Variants in CTNNA2 observed in about 807,000 individuals in gnomAD.
The protein encoded by CTNNA2 is catenin alpha 2, also known as catenin alpha-2.
Under a neutral mutation model 101.0 loss-of-function variants are expected in CTNNA2, and 42 were observed. The observed-to-expected ratio is 0.42, with a 90% CI of 0.32 to 0.54. CTNNA2 has a LOEUF of 0.54. Ranked by LOEUF, CTNNA2 falls within the 20% of genes least tolerant of loss-of-function variation. The pLI, the probability that CTNNA2 is intolerant of heterozygous loss-of-function variation, is 0.14. For synonymous variants in CTNNA2, 450 were observed against 456.4 expected (o/e 0.99, Z 0.18); for missense variants, 871 against 1,223.1 (o/e 0.71, Z 4.29).
chr2:80,103,018 A>T (rs1304034022), intron 7 of CTNNA2, among the ~76,000 whole-genome samples: 3 of 152,118 alleles, frequency 2.0e-5, no homozygotes, highest in Admixed American at 1.3e-4. Context: ...GTCGGAGAGC[A>T]GCTTCAGTAG....
chr2:79,299,312 G>A (rs890688137), intron 2 of CTNNA2, among the ~76,000 whole-genome samples: 1 of 152,156 alleles, frequency 6.6e-6, no homozygotes, highest in Non-Finnish European at 1.5e-5. Flanking sequence ...CTTGGATTTA[G>A]TTTATTAGTT....
At chr2:79,349,731 T>A (rs993772756) in intron 3 of CTNNA2, among the ~76,000 whole-genome samples, 5 of 152,116 alleles carry the variant, frequency 3.3e-5, no homozygotes, top group Non-Finnish European at 5.9e-5. Flanking sequence ...ACAAAAAGCA[T>A]GTATGTGAAG....
At chr2:79,927,802 A>G (rs1232732734) in intron 7 of CTNNA2, among the ~76,000 whole-genome samples, 2 of 152,150 alleles carry the variant, frequency 1.3e-5, no homozygotes, top group Non-Finnish European at 2.9e-5. Flanking sequence ...TCATTATGCT[A>G]TCAAAACTCA....
chr2:80,367,523 TTTTTA>T (rs994715673), intron 7 of CTNNA2, among the ~76,000 whole-genome samples: 2 of 152,150 alleles, frequency 1.3e-5, no homozygotes, highest in South Asian at 2.1e-4. Flanking sequence ...TTTGTTTTAT[TTTTTA>T]TTTTATTTTA....
chr2:80,097,375 G>A (rs557181594), intron 7 of CTNNA2, among the ~76,000 whole-genome samples: 3 of 152,320 alleles, frequency 2.0e-5, no homozygotes, highest in East Asian at 3.9e-4. Flanking sequence ...CGAGAGATCA[G>A]CTGTTAGTCT....
chr2:79,356,064 A>T (rs1302415518), intron 3 of CTNNA2, among the ~76,000 whole-genome samples: 2 of 151,548 alleles, frequency 1.3e-5, no homozygotes, highest in Non-Finnish European at 2.9e-5. Flanking sequence ...ACCAGCGTAT[A>T]TATATAAATA....
intron 9 of CTNNA2, among the ~76,000 whole-genome samples, chr2:80,474,073 G>A (rs759345918): frequency 8.7e-4 from 133 of 152,104 alleles, no homozygotes; most frequent in Non-Finnish European, 1.6e-3. Flanking sequence ...GCTTCCTGAC[G>A]CTGAGGCCAA....
chr2:79,374,309 T>C (rs2104457184), intron 4 of CTNNA2, among the ~76,000 whole-genome samples: 1 of 152,242 alleles, frequency 6.6e-6, no homozygotes, highest in South Asian at 2.1e-4. Context: ...TAGAAAGACA[T>C]GCAAAGGGGC....
chr2:80,410,231 C>A (rs541985295), intron 8 of CTNNA2, among the ~76,000 whole-genome samples: 1 of 152,190 alleles, frequency 6.6e-6, no homozygotes, highest in Non-Finnish European at 1.5e-5. Flanking sequence ...ATTTTTGAGA[C>A]AGTTTGTTTT....
At chr2:79,292,656 G>A (rs758038619) in intron 2 of CTNNA2, among the ~76,000 whole-genome samples, 3 of 152,102 alleles carry the variant, frequency 2.0e-5, no homozygotes, top group Non-Finnish European at 4.4e-5. Context: ...ATCCTAAGAG[G>A]CACACAACAA....
intron 7 of CTNNA2, among the ~76,000 whole-genome samples, chr2:79,987,042 C>T (rs563730960): frequency 3.0e-4 from 45 of 152,246 alleles, no homozygotes; most frequent in African/African-American, 9.6e-4. Flanking sequence ...CTGGCAGCCC[C>T]GGGCCCAGAG....
At chr2:79,270,886 G>A (rs1317476758) in intron 2 of CTNNA2, among the ~76,000 whole-genome samples, 1 of 152,036 alleles carries the variant, frequency 6.6e-6, no homozygotes, top group African/African-American at 2.4e-5. Context: ...GGTAGGTGCT[G>A]CTTCTCTTTT....
At chr2:79,283,233 C>G (rs1330461498) in intron 2 of CTNNA2, among the ~76,000 whole-genome samples, 632 of 90,660 alleles carry the variant, frequency 7.0e-3, no homozygotes, top group East Asian at 0.023. Flanking sequence ...ATGGTAGTTT[C>G]TTTTGCTGTG....
chr2:79,999,514 T>C (rs1200734436), intron 7 of CTNNA2, among the ~76,000 whole-genome samples: 1 of 151,992 alleles, frequency 6.6e-6, no homozygotes, highest in African/African-American at 2.4e-5. Context: ...GTACAAGGAG[T>C]ATAACAGAGA....
intron 7 of CTNNA2, among the ~76,000 whole-genome samples, chr2:80,103,979 C>T (rs1403330152): frequency 1.3e-5 from 2 of 152,176 alleles, no homozygotes; most frequent in Non-Finnish European, 2.9e-5. Context: ...GGTGATCCAC[C>T]CTCCTTGGCC....
chr2:80,484,872 G>C (rs1686436724), intron 9 of CTNNA2, among the ~76,000 whole-genome samples: 1 of 152,066 alleles, frequency 6.6e-6, no homozygotes, highest in Non-Finnish European at 1.5e-5. Context: ...CGGGCAAGGT[G>C]GTGGGCACCT....
rs777760091 is a variant in CTNNA2, at chr2:80,647,559, T to C, written c.2575-26T>C. The stretch of plus-strand genomic sequence containing the variant: ...AATTTGGGGCCTCCATTAACCCACA[T>C]GTATCTCATTCTTTTCCTACTCTAG... On this transcript the variant is annotated intron_variant, in intron 18 of 18. Transcript: ENST00000402739. The C allele has an allele frequency of 9.5e-6, 15 of 1,573,988 alleles. No homozygotes were observed. The South Asian group carries it at 1.7e-4, about 17-fold the overall frequency.
At chr2:79,530,865 C>T (rs1672694435) in intron 1 of CTNNA2, among the ~76,000 whole-genome samples, 1 of 140,502 alleles carries the variant, frequency 7.1e-6, no homozygotes, top group South Asian at 2.2e-4. Flanking sequence ...GCAGTTTGAG[C>T]ACAGAACACT....
chr2:79,917,996 A>C (rs891333840), intron 7 of CTNNA2, among the ~76,000 whole-genome samples: 1 of 152,182 alleles, frequency 6.6e-6, no homozygotes. Context: ...CTTGGGCCTT[A>C]ATGTGCCCAA....
Sources: gnomAD v4.1 joint callset for allele counts (sites outside exome capture counted in the v4.1 genomes callset) on GRCh38, gnomAD v4.1.1 for gene constraint, MANE v1.5 for transcripts, NCBI Gene and HGNC (gene_info 2026-07-23, HGNC 2026-07-21) for gene names.